The following ZNF679 variants were observed in gnomAD, a reference collection of about 807,000 sequenced individuals.
ZNF679 encodes the protein hypothetical protein MGC42415.
In ZNF679, 10 loss-of-function variants were observed where a neutral mutation model predicts 13.4. That is an observed-to-expected ratio of 0.75 (90% CI 0.46 to 1.27). The LOEUF (loss-of-function observed/expected upper bound fraction) is 1.27. Among genes scored for constraint, ZNF679 ranks in the 50% most tolerant of loss-of-function variants. The probability of loss-of-function intolerance (pLI) is 0.00; values close to 1 mark genes in which losing one functional copy is unlikely to be tolerated. For synonymous variants in ZNF679, 179 were observed against 162.5 expected (o/e 1.10, Z -0.77); for missense variants, 525 against 477.8 (o/e 1.10, Z -0.92).
At position 64,266,600 on chromosome 7, in the gene ZNF679, C is replaced by A. The variant is rs762948035; in HGVS notation, c.967C>A (p.Pro323Thr). 18 of 1,604,974 alleles carry A rather than the reference C, an allele frequency of 1.1e-5. No homozygotes were observed. Among genetic ancestry groups the A allele is most frequent in the African/African-American group, 2.7e-5 (2 of 74,846 alleles). The stretch of plus-strand genomic sequence containing the variant: ...CAAGAGAATTCATACTGGAGAGAAA[C>A]CCTACACATGTGAAGAATGTGGCAA... ...YHKRIHTGEK[P>T]YTCEECGKAF... The change falls in exon 5 of 5, where the codon CCC becomes ACC. Residue 323 changes from proline to threonine, a missense_variant. Physicochemically the swap from Pro to Thr is conservative, Grantham distance 38. Coordinates refer to ENST00000421025, the MANE Select transcript of ZNF679 (RefSeq NM_153363.3).
chr7:64,232,006 G>T (rs991854043), intron 1 of ZNF679, among the ~76,000 whole-genome samples: 7 of 152,222 alleles, frequency 4.6e-5, no homozygotes, highest in African/African-American at 1.7e-4. Context: ...ATACATAAGA[G>T]CTTCAACTCC....
In ZNF679 at chr7:64,266,648, C is replaced by T. The variant is rs770076875; in HGVS notation, c.1015C>T (p.Leu339Phe). Residue 339 changes from leucine (L) to phenylalanine (F), a missense_variant, in exon 5 of 5, where the codon CTT becomes TTT. Physicochemically the swap from Leu to Phe is conservative, Grantham distance 22. Transcript: ENST00000421025. ...CAAAGCCTTTAACTGCTCCTCAACCCTTAAGAAACATAAGATAATTCATAC... is the reference window on the plus strand; with the variant it reads ...CAAAGCCTTTAACTGCTCCTCAACCTTTAAGAAACATAAGATAATTCATAC... ...CGKAFNCSST[L>F]KKHKIIHTGE... is the part of the protein sequence containing the mutation. The T allele has an allele frequency of 6.2e-7, 1 of 1,610,336 alleles. No homozygotes were observed. Among genetic ancestry groups the T allele is most frequent in the South Asian group, 1.1e-5 (1 of 90,942 alleles).
At chr7:64,235,265 C>T (rs1288750489) in intron 1 of ZNF679, among the ~76,000 whole-genome samples, 1 of 150,312 alleles carries the variant, frequency 6.7e-6, no homozygotes, top group Admixed American at 6.6e-5. Context: ...AAGAGAAAAA[C>T]CAAAGGGAAA....
chr7:64,263,698 C>G (rs1324468154), intron 4 of ZNF679, among the ~76,000 whole-genome samples: 1 of 152,114 alleles, frequency 6.6e-6, no homozygotes, highest in African/African-American at 2.4e-5. Context: ...CATCTTTCAC[C>G]ATGTGACATG....
At chr7:64,236,115 A>G (rs62461227) in intron 1 of ZNF679, among the ~76,000 whole-genome samples, 51,747 of 151,624 alleles carry the variant, frequency 0.34, 9,242 homozygotes, top group African/African-American at 0.44. Flanking sequence ...AAATACAAAA[A>G]TTAGCCTGGT....
At chr7:64,238,614 C>G (rs11761995) in intron 1 of ZNF679, among the ~76,000 whole-genome samples, 32,066 of 152,152 alleles carry the variant, frequency 0.21, 4,180 homozygotes, top group Non-Finnish European at 0.27. Context: ...TCCTGAACAC[C>G]TGACCTCAAG....
At chr7:64,235,035 G>A (rs149232683) in intron 1 of ZNF679, among the ~76,000 whole-genome samples, 5,441 of 152,040 alleles carry the variant, frequency 0.036, 173 homozygotes, top group East Asian at 0.16. Context: ...ACAGGGTTTC[G>A]CCATGTTGGC....
intron 1 of ZNF679, among the ~76,000 whole-genome samples, chr7:64,232,261 A>C (rs1397568982): frequency 6.6e-6 from 1 of 152,222 alleles, no homozygotes; most frequent in Non-Finnish European, 1.5e-5. Context: ...AGGTGTACCT[A>C]TGGGAGTCAC....
In ZNF679 at chr7:64,228,880, A is replaced by G. The variant is rs10230388; in HGVS notation, c.-91+228A>G. On this transcript the variant is annotated intron_variant, in intron 1 of 4. Transcript: ENST00000421025. ...TGGGCATGAGATTCAGAACCTCAAC[A>G]GTGAGCTGTGTCCATATGGGAGAGT... Among the ~76,000 whole-genome samples the G allele has an allele frequency of 0.28, 42,381 of 152,068 alleles. 6,098 individuals are homozygous for G. The highest frequency in any genetic ancestry group is 0.32 in the Middle Eastern group (94 of 294).
chr7:64,236,240 G>T (rs1787709885), intron 1 of ZNF679, among the ~76,000 whole-genome samples: 1 of 152,124 alleles, frequency 6.6e-6, no homozygotes, highest in Non-Finnish European at 1.5e-5. Flanking sequence ...ACTCCAGCCT[G>T]GGCAACAGGA....
intron 1 of ZNF679, among the ~76,000 whole-genome samples, chr7:64,245,248 AC>A (rs914897299): frequency 6.7e-6 from 1 of 149,958 alleles, no homozygotes; most frequent in East Asian, 2.0e-4. Context: ...CTGGTCTTGA[AC>A]CCCCCCACTC....
intron 2 of ZNF679, among the ~76,000 whole-genome samples, chr7:64,254,999 CAAAAAAAA>C (rs71060569): frequency 1.1e-5 from 1 of 92,138 alleles, no homozygotes; most frequent in Admixed American, 1.4e-4. Context: ...GACTCCATCT[CAAAAAAAA>C]AAAAAAAAAA....
chr7:64,232,350 T>C (rs985323528), intron 1 of ZNF679, among the ~76,000 whole-genome samples: 1 of 152,246 alleles, frequency 6.6e-6, no homozygotes, highest in Admixed American at 6.5e-5. Context: ...AGCATCCTAA[T>C]AGTCTGTGAC....
intron 1 of ZNF679, among the ~76,000 whole-genome samples, chr7:64,238,784 T>C (rs1787758149): frequency 6.6e-6 from 1 of 152,160 alleles, no homozygotes; most frequent in South Asian, 2.1e-4. Context: ...AACAATTACA[T>C]CCTACAGAGG....
intron 1 of ZNF679, among the ~76,000 whole-genome samples, chr7:64,236,281 CT>C (rs542868388): frequency 6.6e-6 from 1 of 151,620 alleles, no homozygotes; most frequent in African/African-American, 2.4e-5. Context: ...GGAGTAAATT[CT>C]TTTTTTTATT....
intron 1 of ZNF679, among the ~76,000 whole-genome samples, chr7:64,242,553 C>T (rs1787812450): frequency 6.6e-6 from 1 of 152,096 alleles, no homozygotes; most frequent in East Asian, 1.9e-4. Flanking sequence ...TGGCTCAATC[C>T]ACATGTGACA....
Position 64,266,323 on chromosome 7 carries a change from T to A in ZNF679, c.690T>A (p.His230Gln). The A allele has an allele frequency of 6.2e-7, 1 of 1,612,762 alleles. No homozygotes were observed. Among genetic ancestry groups the A allele is most frequent in the Non-Finnish European group, 8.5e-7 (1 of 1,179,454 alleles). The part of the protein sequence containing the change: ...PFNCSSTLSK[H>Q]KRIHTGEKPY... Reference sequence around the variant, plus strand: ...ACTGCTCTTCAACCCTTTCTAAACATAAAAGAATTCATACTGGAGAGAAAC... The same window carrying A: ...ACTGCTCTTCAACCCTTTCTAAACAAAAAAGAATTCATACTGGAGAGAAAC... The change falls in exon 5 of 5, where the codon CAT (histidine) becomes CAA (glutamine). Residue 230 changes from histidine to glutamine, a missense_variant. Physicochemically the swap from His to Gln is conservative, Grantham distance 24. Transcript: ENST00000421025.
At chr7:64,229,037 AG>A (rs1200536238) in intron 1 of ZNF679, among the ~76,000 whole-genome samples, 2 of 152,128 alleles carry the variant, frequency 1.3e-5, no homozygotes, top group East Asian at 3.9e-4. Flanking sequence ...TTCTGCTCTG[AG>A]AACTTTATGT....
intron 1 of ZNF679, among the ~76,000 whole-genome samples, chr7:64,245,410 GGAGAGAGAGAAA>G (rs1247789065): frequency 5.1e-5 from 5 of 98,748 alleles, no homozygotes; most frequent in Non-Finnish European, 1.0e-4. Flanking sequence ...GATAGGAAAG[GGAGAGAGAGAAA>G]GAGAGAGAGA....
Sources: allele counts gnomAD v4.1 joint callset (sites outside exome capture counted in the v4.1 genomes callset), GRCh38; gene constraint gnomAD v4.1.1; transcripts MANE v1.5; gene names NCBI Gene and HGNC (gene_info 2026-07-23, HGNC 2026-07-21).